Variants in SHTN1 observed in about 807,000 individuals in gnomAD.
SHTN1 encodes the protein shootin 1.
In SHTN1, 42 loss-of-function variants were observed where a neutral mutation model predicts 83.1. The observed-to-expected ratio is 0.51, with a 90% CI of 0.39 to 0.65. The LOEUF is 0.65. SHTN1 is among the 30% of genes least tolerant of loss of function. The pLI is 0.00. For synonymous variants in SHTN1, 224 were observed against 247.7 expected, an observed-to-expected ratio of 0.90 and a Z score of 0.90; for missense variants, 622 against 737.8, an observed-to-expected ratio of 0.84 and a Z score of 1.82.
chr10:116,991,586 T>C (rs1167394484), intron 1 of SHTN1, among the ~76,000 whole-genome samples: 3 of 152,150 alleles, frequency 2.0e-5, no homozygotes, highest in Admixed American at 1.3e-4. Context: ...TAGACAACTC[T>C]TCTAGCTTCA....
chr10:116,993,612 C>T (rs1220128570), intron 1 of SHTN1, among the ~76,000 whole-genome samples: 1 of 152,040 alleles, frequency 6.6e-6, no homozygotes, highest in Non-Finnish European at 1.5e-5. Flanking sequence ...GCCTAACATA[C>T]ACGTGCTGTA....
intron 1 of SHTN1, among the ~76,000 whole-genome samples, chr10:117,113,170 T>C (rs1853791697): frequency 6.6e-6 from 1 of 152,186 alleles, no homozygotes; most frequent in African/African-American, 2.4e-5. Flanking sequence ...AGAGGAGCCA[T>C]TCTTTGAGAA....
At chr10:116,948,732 T>A (rs1589833638) in intron 7 of SHTN1, among the ~76,000 whole-genome samples, 184 bp downstream of exon 7, 2 of 152,048 alleles carry the variant, frequency 1.3e-5, no homozygotes, top group South Asian at 4.1e-4. Flanking sequence ...CTTTTAGATG[T>A]CCCCAGACTC....
At chr10:117,121,606 T>C (rs1014509463) in intron 1 of SHTN1, among the ~76,000 whole-genome samples, 2 of 151,984 alleles carry the variant, frequency 1.3e-5, no homozygotes, top group African/African-American at 2.4e-5. Context: ...ATTTTATACA[T>C]GTTTTATATA....
chr10:117,005,290 C>G (rs1368659121), upstream of SHTN1: 2 of 1,409,318 alleles, frequency 1.4e-6, no homozygotes, highest in Non-Finnish European at 1.9e-6. Flanking sequence ...CACCTGCAGG[C>G]GGGGCGGGGC....
chr10:116,897,613 A>G (rs1183192473), intron 16 of SHTN1, among the ~76,000 whole-genome samples: 1 of 152,230 alleles, frequency 6.6e-6, no homozygotes, highest in Non-Finnish European at 1.5e-5. Flanking sequence ...TAATTGTAAG[A>G]TAAGATAGGA....
chr10:116,945,459 G>T (rs1849541704), intron 7 of SHTN1, among the ~76,000 whole-genome samples: 1 of 152,134 alleles, frequency 6.6e-6, no homozygotes, highest in African/African-American at 2.4e-5. Flanking sequence ...TTTAAAAATA[G>T]ATTGCAAAAA....
intron 1 of SHTN1, among the ~76,000 whole-genome samples, chr10:117,060,429 G>C (rs1266637456): frequency 6.6e-6 from 1 of 152,084 alleles, no homozygotes; most frequent in Non-Finnish European, 1.5e-5. Flanking sequence ...TAAGAATGGT[G>C]TACCGAGCCA....
At chr10:117,050,048 T>G (rs1041923652) in intron 1 of SHTN1, among the ~76,000 whole-genome samples, 29 of 152,006 alleles carry the variant, frequency 1.9e-4, no homozygotes, top group Non-Finnish European at 2.9e-5. Context: ...GAATATTAGC[T>G]AGATGTAGTG....
intron 16 of SHTN1, among the ~76,000 whole-genome samples, chr10:116,896,660 A>C (rs1254000972): frequency 4.6e-5 from 7 of 152,220 alleles, no homozygotes; most frequent in Non-Finnish European, 8.8e-5. Context: ...TCTTTTGATC[A>C]AAATGAATTA....
chr10:117,072,274 T>C lies in SHTN1; in HGVS notation c.-188-23764A>G, dbSNP rs558834047. Among the ~76,000 whole-genome samples, 13 of 152,286 alleles carry C rather than the reference T, an allele frequency of 8.5e-5. No homozygotes were observed. In the South Asian group the frequency reaches 2.3e-3, roughly 27 times the overall value. The stretch of plus-strand genomic sequence containing the variant: ...TGCTCCTCCACTTACAGATGGCCTA[T>C]TGTGGGACTTTGTGATTGTGGTTCC... On this transcript the variant is annotated intron_variant, in intron 1 of 17. Coordinates refer to the SHTN1 transcript ENST00000392901.
intron 16 of SHTN1, among the ~76,000 whole-genome samples, chr10:116,889,517 G>A (rs1847268774): frequency 6.6e-6 from 1 of 152,158 alleles, no homozygotes. Flanking sequence ...AATCCCAGTG[G>A]AAGGTGGAAA....
At position 117,114,458 on chromosome 10, in the gene SHTN1, T is replaced by C. The variant is rs542295977; in HGVS notation, c.-189+11849A>G. ...AGATAAAATATGCAAGGGACATGAA[T>C]ACCAATTGCACTTTCCCATATTAAA... is the stretch of plus-strand genomic sequence containing the variant. On this transcript the variant is annotated intron_variant, in intron 1 of 17. Transcript: ENST00000392901. Among the ~76,000 whole-genome samples the C allele has an allele frequency of 7.4e-4, 112 of 152,208 alleles. 2 individuals are homozygous for C. The South Asian group carries it at 0.022, about 30-fold the overall frequency.
intron 11 of SHTN1, among the ~76,000 whole-genome samples, chr10:116,926,713 TAA>T (rs74871135): frequency 2.9e-5 from 4 of 136,564 alleles, no homozygotes; most frequent in South Asian, 2.3e-4. Context: ...ATGAAAGGTT[TAA>T]AAAAAAAAAA....
At position 117,053,019 on chromosome 10, in the gene SHTN1, C is replaced by CAAAAAAAAAAAA. The variant is rs57069034; in HGVS notation, c.-188-4510_-188-4509insTTTTTTTTTTTT. On this transcript the variant is annotated intron_variant, in intron 1 of 17. Transcript: ENST00000392901. ...TGGGCAACAGAGCAAGACTGTGTCT[C>CAAAAAAAAAAAA]AAAAAAAAAAAGAATTAAGAATTAA... 1.5e-3 allele frequency among the ~76,000 whole-genome samples: 17 copies of CAAAAAAAAAAAA among 11,486 alleles called. 3 individuals carry two copies. In the East Asian group the frequency reaches 0.017, roughly 11 times the overall value. The allele number at this position is 11,486 out of a possible 152,430, so 7.5% of individuals were successfully genotyped here. A position where few individuals can be genotyped will look rare whatever the true frequency, so the allele number is the denominator to read the frequency against.
At chr10:116,991,030 C>CA (rs1851410911) in intron 1 of SHTN1, among the ~76,000 whole-genome samples, 1 of 151,988 alleles carries the variant, frequency 6.6e-6, no homozygotes, top group African/African-American at 2.4e-5. Context: ...ACTAAAAATA[C>CA]AAAAAATTAG....
chr10:117,097,578 A>G (rs1853522484), intron 1 of SHTN1, among the ~76,000 whole-genome samples: 1 of 152,218 alleles, frequency 6.6e-6, no homozygotes, highest in African/African-American at 2.4e-5. Context: ...TTCACAGATC[A>G]GCTTCATGGG....
At chr10:116,890,718 A>G (rs1847316977) in intron 16 of SHTN1, among the ~76,000 whole-genome samples, 1 of 152,034 alleles carries the variant, frequency 6.6e-6, no homozygotes, top group African/African-American at 2.4e-5. Flanking sequence ...CCCTACTGCA[A>G]GAGAGCCCAA....
intron 1 of SHTN1, among the ~76,000 whole-genome samples, chr10:117,112,593 A>G (rs1215948693): frequency 1.3e-5 from 2 of 152,224 alleles, no homozygotes; most frequent in African/African-American, 4.8e-5. Flanking sequence ...TGAGGAAACA[A>G]AGGCTCAGAT....
Sources: allele counts gnomAD v4.1 joint callset (sites outside exome capture counted in the v4.1 genomes callset), GRCh38; gene constraint gnomAD v4.1.1; transcripts MANE v1.5; gene names NCBI Gene and HGNC (gene_info 2026-07-23, HGNC 2026-07-21).